The following IGF1R variants were observed in gnomAD, a reference collection of about 807,000 sequenced individuals.
IGF1R encodes insulin-like growth factor 1 receptor.
IGF1R carries 44 observed loss-of-function variants against 144.6 expected under a neutral mutation model. The observed-to-expected ratio is 0.30, with a 90% CI of 0.24 to 0.39. The LOEUF is 0.39. Among genes scored for constraint, IGF1R ranks in the 10% least tolerant of loss-of-function variants. IGF1R has a pLI of 1.00. For missense variants in IGF1R, 1,355 were observed against 1,833.7 expected (o/e 0.74, Z 4.77); for synonymous variants, 795 against 722.8 (o/e 1.10, Z -1.60).
intron 2 of IGF1R, among the ~76,000 whole-genome samples, chr15:98,868,373 G>GTT (rs779674911): frequency 0.2 from 24,103 of 122,540 alleles, 2,493 homozygotes; most frequent in East Asian, 0.45. Context: ...TTTTTTTTGG[G>GTT]GGGGGGGTCC....
rs965139344 is a variant in IGF1R at position 98,920,433 on chromosome 15, C to T, written c.2202-1715C>T. Among the ~76,000 whole-genome samples, 5 of 152,116 alleles carry T rather than the reference C, an allele frequency of 3.3e-5. No individual in the cohort carries two copies. In the East Asian group the frequency reaches 5.8e-4, roughly 18 times the overall value. ...CCAGTTAAATGGGGGTGGGCTGAGC[C>T]GGGAGAGGGGTTTTGACAGAATTAT... On this transcript the variant is annotated intron_variant, in intron 10 of 20. Transcript: ENST00000650285.
intron 2 of IGF1R, among the ~76,000 whole-genome samples, chr15:98,827,399 T>C (rs1464572492): frequency 6.6e-6 from 1 of 152,182 alleles, no homozygotes; most frequent in Non-Finnish European, 1.5e-5. Flanking sequence ...AATGTTTATA[T>C]TCTTAATGAA....
Position 98,811,364 on chromosome 15 carries a change from CAAAAAAA to C in IGF1R, c.641-79951_641-79945del, listed in dbSNP as rs60239385. On this transcript the variant is annotated intron_variant, in intron 2 of 20. Coordinates refer to ENST00000650285, the MANE Select transcript of IGF1R (RefSeq NM_000875.5). ...TGAAACCCCGTCTCCACTAAAAATA[CAAAAAAA>C]AAAAAAAAATTAGCCAGGCGTGGTT... Among the ~76,000 whole-genome samples the C allele has an allele frequency of 7.6e-3, 818 of 107,882 alleles. 37 individuals are homozygous for C. Among genetic ancestry groups the C allele is most frequent in the Admixed American group, 0.07 (737 of 10,548 alleles). The allele number at this position is 107,882 out of a possible 152,430, so 70.8% of individuals were successfully genotyped here.
At chr15:98,837,091 CTTTTCTT>C (rs1327785531) in intron 2 of IGF1R, among the ~76,000 whole-genome samples, 3 of 152,062 alleles carry the variant, frequency 2.0e-5, no homozygotes, top group Non-Finnish European at 4.4e-5. Flanking sequence ...TTTCATATTT[CTTTTCTT>C]TTTTCTTTTT....
In IGF1R at chr15:98,924,072, A is replaced by G. The variant is rs534667051; in HGVS notation, c.2622+60A>G. ...CTTCCATCCATTGACAGCATATGCTACCTGACTGCACAGGTTACCTCCTGG... is the reference window on the plus strand; with the variant it reads ...CTTCCATCCATTGACAGCATATGCTGCCTGACTGCACAGGTTACCTCCTGG... On this transcript the variant is annotated intron_variant, in intron 12 of 20. Transcript: ENST00000650285. The G allele has an allele frequency of 1.4e-5, 21 of 1,463,926 alleles. No individual in the cohort carries two copies. In the African/African-American group the frequency reaches 2.6e-4, roughly 18 times the overall value. 90.7% of individuals were successfully genotyped at this position (1,463,926 alleles called of 1,614,324 possible).
At position 98,962,751 on chromosome 15, in the gene IGF1R, C is replaced by T. The variant is rs2684785; in HGVS notation, c.*5309C>T. On this transcript the variant is annotated 3_prime_UTR_variant, in exon 21 of 21. Coordinates refer to ENST00000650285, the MANE Select transcript of IGF1R (RefSeq NM_000875.5). ...TGAACTTGATTGTTCTTGAAGCTATCAGACCACATCGAGGCTCAGCAGTCA... is the reference window on the plus strand; with the variant it reads ...TGAACTTGATTGTTCTTGAAGCTATTAGACCACATCGAGGCTCAGCAGTCA... 40,124 of 233,318 alleles carry T rather than the reference C, an allele frequency of 0.17. 4,097 individuals are homozygous for T. The highest frequency in any genetic ancestry group is 0.23 in the Non-Finnish European group (27,353 of 117,986). The allele number at this position is 233,318 out of a possible 1,614,324, so 14.5% of individuals were successfully genotyped here.
chr15:98,821,559 A>G (rs1393854371), intron 2 of IGF1R, among the ~76,000 whole-genome samples: 2 of 152,140 alleles, frequency 1.3e-5, no homozygotes, highest in Non-Finnish European at 2.9e-5. Context: ...TGCGTGAGGG[A>G]GGCGTTAAAT....
At chr15:98,741,724 C>G (rs1393163533) in intron 2 of IGF1R, among the ~76,000 whole-genome samples, 1 of 152,154 alleles carries the variant, frequency 6.6e-6, no homozygotes, top group Non-Finnish European at 1.5e-5. Flanking sequence ...TGGGTTTTCC[C>G]AGGAGATACT....
intron 1 of IGF1R, among the ~76,000 whole-genome samples, chr15:98,689,996 G>A (rs2053436295): frequency 6.6e-6 from 1 of 152,152 alleles, no homozygotes; most frequent in Admixed American, 6.5e-5. Flanking sequence ...GATAGAGCAA[G>A]TAAGGAATGA....
intron 1 of IGF1R, among the ~76,000 whole-genome samples, chr15:98,692,714 C>A (rs960209608): frequency 6.6e-6 from 1 of 152,154 alleles, no homozygotes; most frequent in South Asian, 2.1e-4. Context: ...AGCTCTTTCC[C>A]GCAACAACTA....
At chr15:98,875,675 A>G (rs1274314573) in intron 2 of IGF1R, among the ~76,000 whole-genome samples, 1 of 152,110 alleles carries the variant, frequency 6.6e-6, no homozygotes, top group Non-Finnish European at 1.5e-5. Flanking sequence ...AAGTTCCTTC[A>G]TCTTTCAAAG....
At chr15:98,843,019 G>T (rs1368801854) in intron 2 of IGF1R, among the ~76,000 whole-genome samples, 1 of 152,182 alleles carries the variant, frequency 6.6e-6, no homozygotes, top group Non-Finnish European at 1.5e-5. Flanking sequence ...TATTACCACG[G>T]TTAGAATTTA....
chr15:98,659,379 C>A (rs1425262938), intron 1 of IGF1R, among the ~76,000 whole-genome samples: 1 of 151,904 alleles, frequency 6.6e-6, no homozygotes, highest in African/African-American at 2.4e-5. Context: ...TGCACTTTGC[C>A]CATCTCGCCT....
chr15:98,923,865 A>G lies in IGF1R; in HGVS notation c.2486-11A>G, dbSNP rs1470670045. On this transcript the variant is annotated splice_polypyrimidine_tract_variant and intron_variant, in intron 11 of 20. Transcript: ENST00000650285. ...CCAAATCCAACTTTGTCACCTGTTTAAATTGTACAGAAGGAGCAGATGACA... is the reference window on the plus strand; with the variant it reads ...CCAAATCCAACTTTGTCACCTGTTTGAATTGTACAGAAGGAGCAGATGACA... 1 of 1,613,100 alleles carries G rather than the reference A, an allele frequency of 6.2e-7. No individual in the cohort carries two copies. Among genetic ancestry groups the G allele is most frequent in the Non-Finnish European group, 8.5e-7 (1 of 1,179,212 alleles).
intron 1 of IGF1R, among the ~76,000 whole-genome samples, chr15:98,673,076 C>G (rs562200347): frequency 6.6e-6 from 1 of 152,018 alleles, no homozygotes; most frequent in Non-Finnish European, 1.5e-5. Flanking sequence ...CTCACTGTAA[C>G]CTTGAACTCC....
intron 4 of IGF1R, 31 bp downstream of exon 4, chr15:98,896,936 T>C (rs2014229400): frequency 6.2e-7 from 1 of 1,610,622 alleles, no homozygotes; most frequent in Admixed American, 1.7e-5. Flanking sequence ...GAAAAACGGC[T>C]AGATCTCATG....
At chr15:98,835,013 G>A (rs1319633278) in intron 2 of IGF1R, among the ~76,000 whole-genome samples, 1 of 151,566 alleles carries the variant, frequency 6.6e-6, no homozygotes, top group East Asian at 1.9e-4. Flanking sequence ...TGAGTGAAAA[G>A]GAATAGGATC....
At chr15:98,820,871 G>C (rs868290064) in intron 2 of IGF1R, 3 of 152,250 alleles carry the variant, frequency 2.0e-5, no homozygotes, top group Middle Eastern at 3.4e-3. Context: ...CATCACAATT[G>C]AATTTTTTCT....
At chr15:98,684,385 G>T (rs1442401387) in intron 1 of IGF1R, among the ~76,000 whole-genome samples, 23 of 100,246 alleles carry the variant, frequency 2.3e-4, no homozygotes, top group African/African-American at 3.2e-4. Context: ...TTTTTTGTTT[G>T]TTTTATGCTT....
Sources: gnomAD v4.1 joint callset for allele counts (sites outside exome capture counted in the v4.1 genomes callset) on GRCh38, gnomAD v4.1.1 for gene constraint, MANE v1.5 for transcripts, NCBI Gene and HGNC (gene_info 2026-07-23, HGNC 2026-07-21) for gene names.